The following ANKS1A variants were observed in gnomAD, a reference collection of about 807,000 sequenced individuals.
ANKS1A encodes the protein ankyrin repeat and sterile alpha motif domain containing 1A.
A neutral mutation model predicts 120.3 loss-of-function variants in ANKS1A; 55 were observed. That is an observed-to-expected ratio of 0.46 (90% CI 0.37 to 0.57). ANKS1A has a LOEUF of 0.57. ANKS1A is among the 20% of genes least tolerant of loss of function. The pLI, the probability that ANKS1A is intolerant of heterozygous loss-of-function variation, is 0.00. For synonymous variants in ANKS1A, 590 were observed against 604.7 expected (o/e 0.98, Z 0.36); for missense variants, 1,123 against 1,480.3 (o/e 0.76, Z 3.96).
chr6:34,917,837 T>G (rs909327421), intron 1 of ANKS1A, among the ~76,000 whole-genome samples: 1 of 152,094 alleles, frequency 6.6e-6, no homozygotes, highest in Non-Finnish European at 1.5e-5. Flanking sequence ...GAGCTGAGAG[T>G]GGGGGCTGAT....
downstream of ANKS1A, among the ~76,000 whole-genome samples, chr6:35,092,808 A>G (rs992325115): frequency 4.0e-5 from 6 of 151,520 alleles, no homozygotes; most frequent in Admixed American, 6.6e-5. Flanking sequence ...TTTCTGTCAT[A>G]CTCCTCCACA....
chr6:35,005,639 T>G (rs1485442287), intron 10 of ANKS1A: 1 of 407,848 alleles, frequency 2.5e-6, no homozygotes, highest in African/African-American at 2.1e-5. Context: ...GAAAGAAAAG[T>G]AAAAGTAAAG....
At chr6:34,989,483 A>G (rs916269693) in intron 9 of ANKS1A, among the ~76,000 whole-genome samples, 167 bp downstream of exon 9, 12 of 152,246 alleles carry the variant, frequency 7.9e-5, no homozygotes, top group Non-Finnish European at 1.5e-4. Context: ...CCAAACTCAC[A>G]AAGAATTTTA....
intron 1 of ANKS1A, among the ~76,000 whole-genome samples, chr6:34,920,193 T>C (rs992027131): frequency 6.6e-6 from 1 of 152,030 alleles, no homozygotes. Flanking sequence ...ATCTTCTCAT[T>C]AGAGTAGTTT....
intron 13 of ANKS1A, among the ~76,000 whole-genome samples, chr6:35,078,063 T>G (rs935937835): frequency 3.3e-5 from 5 of 152,128 alleles, no homozygotes; most frequent in Non-Finnish European, 7.4e-5. Context: ...AAGGACGCCC[T>G]TTTCTGACAG....
chr6:34,956,804 T>C (rs1383206569), intron 1 of ANKS1A, among the ~76,000 whole-genome samples: 1 of 152,214 alleles, frequency 6.6e-6, no homozygotes, highest in Non-Finnish European at 1.5e-5. Flanking sequence ...TTCCTGCGTC[T>C]AGATCCAAGC....
At chr6:35,031,349 A>G (rs1445004576) in intron 11 of ANKS1A, among the ~76,000 whole-genome samples, 1 of 152,154 alleles carries the variant, frequency 6.6e-6, no homozygotes, top group Non-Finnish European at 1.5e-5. Context: ...TTGCTCAAGC[A>G]TTTTTTAGCA....
intron 1 of ANKS1A, among the ~76,000 whole-genome samples, chr6:34,920,744 A>G (rs538650122): frequency 5.5e-4 from 84 of 152,344 alleles, no homozygotes; most frequent in South Asian, 1.2e-3. Flanking sequence ...AAAGAAAAAT[A>G]AAAGAATGAT....
rs1231485064 is a variant in ANKS1A, at chr6:34,889,993, A to G, written c.197+394A>G. Among the ~76,000 whole-genome samples the G allele has an allele frequency of 1.3e-5, 2 of 151,938 alleles. No individual in the cohort carries two copies. Among genetic ancestry groups the G allele is most frequent in the African/African-American group, 4.8e-5 (2 of 41,360 alleles). On this transcript the variant is annotated intron_variant, in intron 1 of 23. Coordinates refer to ENST00000360359, the MANE Select transcript of ANKS1A (RefSeq NM_015245.3). The surrounding 1 kb of genome is among the most constrained non-coding windows in gnomAD (Gnocchi z 5.5). ...TCCCTCACCTCCTGCAGAAACTCCT[A>G]CGCCTTGTAGAATCTCGAGGCTCCT...
the ANKS1A span, among the ~76,000 whole-genome samples, chr6:35,097,225 T>C: frequency 9.2e-6 from 1 of 109,028 alleles, no homozygotes; most frequent in Non-Finnish European, 2.0e-5. Context: ...TAAATGCTTA[T>C]AAAAGTTAGG....
At chr6:35,078,696 C>A in intron 14 of ANKS1A, 40 bp downstream of exon 14, 1 of 1,571,964 alleles carries the variant, frequency 6.4e-7, no homozygotes, top group Non-Finnish European at 8.7e-7. Context: ...CCGTGCGGAG[C>A]CAGGGCCACC....
chr6:35,080,008 T>C (rs1777587659), intron 16 of ANKS1A, 80 bp downstream of exon 16: 3 of 1,454,180 alleles, frequency 2.1e-6, no homozygotes, highest in Non-Finnish European at 2.8e-6. Context: ...TTAGGATTCT[T>C]CAGAGACCAC....
At chr6:34,990,090 AAC>A (rs760268651) in intron 9 of ANKS1A, among the ~76,000 whole-genome samples, 82 of 152,306 alleles carry the variant, frequency 5.4e-4, no homozygotes, top group Non-Finnish European at 8.1e-4. Context: ...GCTAATATAA[AAC>A]AGTTAATTAC....
chr6:34,927,622 A>G (rs1248912293), intron 1 of ANKS1A, among the ~76,000 whole-genome samples: 1 of 152,028 alleles, frequency 6.6e-6, no homozygotes, highest in Non-Finnish European at 1.5e-5. Context: ...CTGATAGTTC[A>G]CCTCATTGGA....
intron 1 of ANKS1A, among the ~76,000 whole-genome samples, chr6:34,961,424 A>G (rs1484660763): frequency 6.6e-6 from 1 of 152,224 alleles, no homozygotes; most frequent in African/African-American, 2.4e-5. Flanking sequence ...CAAAACTTCT[A>G]GATGGGCTTT....
In ANKS1A at chr6:35,086,358, C is replaced by G; in HGVS notation, c.3303+422C>G. ...TACCTACCGCTGCCATCTGTTAGTC[C>G]TGGAGTCAAGGTCTTTACGCCTCCT... is the stretch of plus-strand genomic sequence containing the variant. On this transcript the variant is annotated intron_variant, in intron 22 of 23. Coordinates refer to ENST00000360359, the MANE Select transcript of ANKS1A (RefSeq NM_015245.3). The surrounding 1 kb of genome is among the most constrained non-coding windows in gnomAD (Gnocchi z 5.1). 7.7e-7 allele frequency: 1 copy of G among 1,297,218 alleles called. No individual in the cohort carries two copies. The highest frequency in any genetic ancestry group is 1.0e-6 in the Non-Finnish European group (1 of 994,194). The allele number at this position is 1,297,218 out of a possible 1,614,324, so 80.4% of individuals were successfully genotyped here. A position where few individuals can be genotyped will look rare whatever the true frequency, so the allele number is the denominator to read the frequency against.
At chr6:35,094,878 T>C (rs1399913475), downstream of ANKS1A, among the ~76,000 whole-genome samples, 1 of 152,174 alleles carries the variant, frequency 6.6e-6, no homozygotes, top group Non-Finnish European at 1.5e-5. Context: ...TTGTGGCTCA[T>C]GTCTGTAATC....
intron 1 of ANKS1A, among the ~76,000 whole-genome samples, chr6:34,907,449 G>A (rs146518175): frequency 1.9e-4 from 29 of 152,190 alleles, no homozygotes; most frequent in Admixed American, 1.9e-3. Context: ...AGAAACCCAA[G>A]TATGTGAAAA....
intron 10 of ANKS1A, chr6:35,005,834 C>G (rs932453290): frequency 1.2e-5 from 5 of 413,666 alleles, no homozygotes; most frequent in African/African-American, 1.1e-4. Flanking sequence ...GGGTGGATCA[C>G]TTGAGGTCAG....
Sources: gnomAD v4.1 joint callset for allele counts (sites outside exome capture counted in the v4.1 genomes callset) on GRCh38, gnomAD v4.1.1 for gene constraint, Gnocchi (gnomAD v3.1) non-coding constraint, MANE v1.5 for transcripts, NCBI Gene and HGNC (gene_info 2026-07-23, HGNC 2026-07-21) for gene names.